The following FAM168B variants were observed in gnomAD, a reference collection of about 807,000 sequenced individuals.
The protein encoded by FAM168B is myelin-associated neurite-outgrowth inhibitor.
A neutral mutation model predicts 21.8 loss-of-function variants in FAM168B; 19 were observed. The ratio of observed to expected loss-of-function variants is 0.87; its 90% confidence interval spans 0.61 to 1.28. FAM168B has a LOEUF of 1.28. Ranked by LOEUF, FAM168B falls within the 50% of genes most tolerant of loss-of-function variation. The pLI, the probability that FAM168B is intolerant of heterozygous loss-of-function variation, is 0.00. For missense variants in FAM168B, 233 were observed against 263.1 expected, an observed-to-expected ratio of 0.89 and a Z score of 0.79; for synonymous variants, 126 against 104.8, an observed-to-expected ratio of 1.20 and a Z score of -1.24.
intron 2 of FAM168B, 83 bp from the exon 3 acceptor site, chr2:131,072,021 C>T (rs1043093424): frequency 2.4e-6 from 3 of 1,237,322 alleles, no homozygotes; most frequent in Non-Finnish European, 3.5e-6. Context: ...ATCGCTCTTA[C>T]CTTCTTCCCC....
chr2:131,048,790 CAGAA>C lies in FAM168B; in HGVS notation c.*3671_*3674del, dbSNP rs1354157114. 8.1e-6 allele frequency: 8 copies of C among 986,268 alleles called. No individual in the cohort carries two copies. Among genetic ancestry groups the C allele is most frequent in the African/African-American group, 7.0e-5 (4 of 57,242 alleles). The allele number at this position is 986,268 out of a possible 1,614,324, so 61.1% of individuals were successfully genotyped here. ...CCACACTCTGCTTTAGAGACCCTCT[CAGAA>C]AGCACCAGAGAGGAGGACCAGACGC... On this transcript the variant is annotated 3_prime_UTR_variant, in exon 7 of 7. Transcript: ENST00000389915.
chr2:131,053,410 T>C (rs1223795845), intron 5 of FAM168B, among the ~76,000 whole-genome samples: 4 of 152,170 alleles, frequency 2.6e-5, no homozygotes, highest in Non-Finnish European at 5.9e-5. Flanking sequence ...AAATACTTAA[T>C]GATTCCACTT....
intron 1 of FAM168B, among the ~76,000 whole-genome samples, chr2:131,090,076 T>C: frequency 6.9e-6 from 1 of 144,562 alleles, no homozygotes; most frequent in African/African-American, 2.6e-5. Flanking sequence ...TCCCAGCACT[T>C]CGGGAGGCCG....
chr2:131,053,072 C>A (rs1691788763), intron 5 of FAM168B, 57 bp from the exon 6 acceptor site: 1 of 1,491,228 alleles, frequency 6.7e-7, no homozygotes, highest in Non-Finnish European at 8.9e-7. Context: ...CTCCACACTG[C>A]CTGATACGCA....
intron 2 of FAM168B, among the ~76,000 whole-genome samples, chr2:131,074,253 C>G (rs1693025109): frequency 6.6e-6 from 1 of 152,104 alleles, no homozygotes; most frequent in African/African-American, 2.4e-5. Flanking sequence ...CTCATCCTCC[C>G]AAGTAGCTGG....
chr2:131,065,348 C>T (rs1053954265), intron 3 of FAM168B, among the ~76,000 whole-genome samples: 2 of 152,216 alleles, frequency 1.3e-5, no homozygotes, highest in Non-Finnish European at 2.9e-5. Context: ...GAATGTAAAC[C>T]TTTAAGAGGG....
intron 2 of FAM168B, among the ~76,000 whole-genome samples, chr2:131,080,679 T>A (rs1387751587): frequency 1.3e-5 from 2 of 148,910 alleles, no homozygotes; most frequent in Non-Finnish European, 3.0e-5. Flanking sequence ...GTAAAAGAAT[T>A]TTTTTTTTGA....
intron 2 of FAM168B, among the ~76,000 whole-genome samples, chr2:131,081,064 T>C (rs536534391): frequency 6.6e-6 from 1 of 152,332 alleles, no homozygotes; most frequent in African/African-American, 2.4e-5. Flanking sequence ...TTTCCTTATG[T>C]TGCATTCTGG....
rs544001392 is a variant in FAM168B at position 131,048,064 on chromosome 2, C to T, written c.*4401G>A. ...GAAATTCCATTCCTTGGCATGGATA[C>T]GTAAGTTCAATGCAGAGGTGAGGGA... On this transcript the variant is annotated 3_prime_UTR_variant, in exon 7 of 7. Coordinates refer to ENST00000389915, the MANE Select transcript of FAM168B (RefSeq NM_001009993.4). 7 of 605,466 alleles carry T rather than the reference C, an allele frequency of 1.2e-5. No homozygotes were observed. In the East Asian group the frequency reaches 3.8e-4, roughly 33 times the overall value. 37.5% of individuals were successfully genotyped at this position (605,466 alleles called of 1,614,324 possible).
Position 131,048,248 on chromosome 2 carries a change from C to A in FAM168B, c.*4217G>T. 1 of 1,304,084 alleles carries A rather than the reference C, an allele frequency of 7.7e-7. No individual in the cohort carries two copies. The highest frequency in any genetic ancestry group is 1.0e-6 in the Non-Finnish European group (1 of 988,822). 80.8% of individuals were successfully genotyped at this position (1,304,084 alleles called of 1,614,324 possible). ...GGCTCTCTAGGGCCTCTCCGTGTGGCCAGCACAGCAACCCTGCTAGGAGCA... is the reference window on the plus strand; with the variant it reads ...GGCTCTCTAGGGCCTCTCCGTGTGGACAGCACAGCAACCCTGCTAGGAGCA... On this transcript the variant is annotated 3_prime_UTR_variant, in exon 7 of 7. Coordinates refer to ENST00000389915, the MANE Select transcript of FAM168B (RefSeq NM_001009993.4).
chr2:131,052,992 G>A lies in FAM168B; in HGVS notation c.499C>T (p.Pro167Ser), dbSNP rs1210312903. ...ACCGGGTGGGGGGCGACAGGAGTTG[G>A]GGAGTGAGCAGTCAGCAGGGTACCT... ...SAGTLLTAHS[P>S]TPVAPHPVTV... The change falls in exon 6 of 7, where the codon CCA becomes TCA. Residue 167 changes from proline (P) to serine (S), a missense_variant. By Grantham distance (74) the Pro-to-Ser change is moderately conservative (BLOSUM62 -1). Transcript: ENST00000389915. 6.4e-7 allele frequency: 1 copy of A among 1,555,000 alleles called. No homozygotes were observed. Among genetic ancestry groups the A allele is most frequent in the South Asian group, 1.2e-5 (1 of 84,274 alleles).
At chr2:131,084,052 G>T (rs573609875) in intron 1 of FAM168B, among the ~76,000 whole-genome samples, 1 of 151,436 alleles carries the variant, frequency 6.6e-6, no homozygotes, top group African/African-American at 2.4e-5. Flanking sequence ...ACAGGCGTGC[G>T]CCACCACACC....
chr2:131,069,877 G>A (rs1340934001), intron 3 of FAM168B, among the ~76,000 whole-genome samples: 1 of 148,762 alleles, frequency 6.7e-6, no homozygotes, highest in East Asian at 2.0e-4. Flanking sequence ...TTTTTTGGTT[G>A]AGACGGAGTC....
At chr2:131,067,167 G>A (rs1419215900) in intron 3 of FAM168B, among the ~76,000 whole-genome samples, 1 of 152,122 alleles carries the variant, frequency 6.6e-6, no homozygotes, top group African/African-American at 2.4e-5. Context: ...TGGGGACACA[G>A]CCAAACCATA....
chr2:131,093,049 G>A (rs1428400607), intron 1 of FAM168B, among the ~76,000 whole-genome samples, 165 bp downstream of exon 1: 3 of 151,354 alleles, frequency 2.0e-5, no homozygotes, highest in Non-Finnish European at 4.4e-5. Flanking sequence ...CTCCGCCCCC[G>A]GCCCCCGCCC....
In FAM168B at chr2:131,086,127, CT is replaced by C. The variant is rs367779246; in HGVS notation, c.-11-3471del. Among the ~76,000 whole-genome samples the C allele has an allele frequency of 2.0e-3, 312 of 152,286 alleles. 1 individual carries two copies. The highest frequency in any genetic ancestry group is 7.0e-3 in the African/African-American group (289 of 41,554). On this transcript the variant is annotated intron_variant, in intron 1 of 6. Coordinates refer to ENST00000389915, the MANE Select transcript of FAM168B (RefSeq NM_001009993.4). ...AACTGCCAATCCCTAGTCCCCTGTA[CT>C]TTTAACCCATGCTTGGCGGATCTGC... is the stretch of plus-strand genomic sequence containing the variant.
At chr2:131,066,366 G>A (rs1323354275) in intron 3 of FAM168B, among the ~76,000 whole-genome samples, 5 of 151,960 alleles carry the variant, frequency 3.3e-5, no homozygotes, top group African/African-American at 9.7e-5. Flanking sequence ...TAGTAGAGAC[G>A]GGGTTTCACC....
At chr2:131,071,121 AG>A (rs1322850602) in intron 3 of FAM168B, among the ~76,000 whole-genome samples, 6 of 152,236 alleles carry the variant, frequency 3.9e-5, no homozygotes, top group South Asian at 2.1e-4. Context: ...TTAACAAAAC[AG>A]GAAGAATCTG....
intron 1 of FAM168B, 38 bp from the exon 2 acceptor site, chr2:131,082,695 G>T: frequency 7.0e-7 from 1 of 1,437,082 alleles, no homozygotes; most frequent in Non-Finnish European, 9.5e-7. Context: ...AAGCACTTTT[G>T]CTCTCAGATT....
Sources: allele counts gnomAD v4.1 joint callset (sites outside exome capture counted in the v4.1 genomes callset), GRCh38; gene constraint gnomAD v4.1.1; transcripts MANE v1.5; gene names NCBI Gene and HGNC (gene_info 2026-07-23, HGNC 2026-07-21).